CA4: variants seen among roughly 807,000 people sequenced by gnomAD.
CA4 encodes CA-IV.
Under a neutral mutation model 34.5 loss-of-function variants are expected in CA4, and 24 were observed. The observed-to-expected ratio is 0.70, with a 90% CI of 0.50 to 0.98. The LOEUF (loss-of-function observed/expected upper bound fraction) is 0.98, where lower values mean the gene tolerates loss of function less well. CA4 is among the 50% of genes least tolerant of loss of function. The probability of loss-of-function intolerance (pLI) is 0.00; values close to 1 mark genes in which losing one functional copy is unlikely to be tolerated. For synonymous variants in CA4, 178 were observed against 170.6 expected (o/e 1.04, Z -0.34); for missense variants, 394 against 396.7 (o/e 0.99, Z 0.06).
chr17:60,176,500 G>C, the CA4 span, among the ~76,000 whole-genome samples: 1 of 151,246 alleles, frequency 6.6e-6, no homozygotes, highest in East Asian at 2.0e-4. Flanking sequence ...AGAAACCTAG[G>C]GTCATTTCAA....
At position 60,158,117 on chromosome 17, in the gene CA4, C is replaced by T; in HGVS notation, c.570C>T (p.Ile190=). 6.2e-7 allele frequency: 1 copy of T among 1,614,052 alleles called. No individual in the cohort carries two copies. Among genetic ancestry groups the T allele is most frequent in the South Asian group, 1.1e-5 (1 of 91,084 alleles). The change falls in exon 6 of 8, where the codon ATC becomes ATT. Residue 190 remains isoleucine, a synonymous_variant. Coordinates refer to ENST00000300900, the MANE Select transcript of CA4 (RefSeq NM_000717.5). ...FQPLVEALSN[I]PKPEMSTTMA... ...CACTGGTGGAGGCACTGTCTAATAT[C>T]CCCAAACCTGGTGAGTCAGGATGGG...
chr17:60,151,290 G>T (rs2083587864), intron 1 of CA4, among the ~76,000 whole-genome samples: 1 of 152,182 alleles, frequency 6.6e-6, no homozygotes, highest in Admixed American at 6.5e-5. Flanking sequence ...AGGGGTGAAG[G>T]TGTCCTCTGC....
downstream of CA4, among the ~76,000 whole-genome samples, chr17:60,175,823 T>C (rs2083961028): frequency 6.6e-6 from 1 of 151,084 alleles, no homozygotes; most frequent in African/African-American, 2.4e-5. Flanking sequence ...TTATACATTT[T>C]TTTTTTTTTT....
chr17:60,154,189 C>T (rs2145259998), intron 1 of CA4, among the ~76,000 whole-genome samples: 1 of 148,452 alleles, frequency 6.7e-6, no homozygotes, highest in East Asian at 2.0e-4. Flanking sequence ...TTTCTCTCCT[C>T]TCTCGGCCCC....
chr17:60,171,257 G>A (rs1187901353), downstream of CA4, among the ~76,000 whole-genome samples: 2 of 152,236 alleles, frequency 1.3e-5, no homozygotes, highest in African/African-American at 4.8e-5. Context: ...CCCTCCCCAA[G>A]TGAGAGGATG....
At position 60,156,697 on chromosome 17, in the gene CA4, C is replaced by T. The variant is rs1017331612; in HGVS notation, c.250C>T (p.Gln84Ter). ...CGATAAGAAGCAAACGTGGACTGTCCAAAATAACGGGCACTCAGGTGGGCT... is the reference window on the plus strand; with the variant it reads ...CGATAAGAAGCAAACGTGGACTGTCTAAAATAACGGGCACTCAGGTGGGCT... The part of the protein sequence containing the change: ...GYDKKQTWTV[Q>*]NNGHSVMMLL... Residue 84 changes from glutamine to a stop codon, truncating the protein, a stop_gained, in exon 3 of 8, where the codon CAA becomes TAA. Transcript: ENST00000300900. LOFTEE classifies it high-confidence loss of function. The T allele has an allele frequency of 7.4e-6, 12 of 1,614,004 alleles. No homozygotes were observed. The highest frequency in any genetic ancestry group is 1.0e-5 in the Non-Finnish European group (12 of 1,179,984).
downstream of CA4, among the ~76,000 whole-genome samples, chr17:60,164,292 CTT>C (rs1037747426): frequency 3.2e-4 from 48 of 148,866 alleles, no homozygotes; most frequent in African/African-American, 1.2e-3. Context: ...TCCTTTCTTT[CTT>C]TCTTTTTCTT....
At chr17:60,155,442 A>G (rs777500204) in intron 2 of CA4, 75 bp downstream of exon 2, 10 of 1,217,662 alleles carry the variant, frequency 8.2e-6, no homozygotes, top group Non-Finnish European at 1.2e-5. Context: ...AGACCCCGGA[A>G]GAGTGGGAAG....
downstream of CA4, among the ~76,000 whole-genome samples, chr17:60,161,855 C>T (rs1191797864): frequency 6.6e-6 from 1 of 152,090 alleles, no homozygotes; most frequent in Non-Finnish European, 1.5e-5. Context: ...ACACAGACTG[C>T]AGGGGATCTA....
intron 5 of CA4, among the ~76,000 whole-genome samples, chr17:60,169,262 A>AAAAAAAAAAAAAAAAAAAAGCAGC (rs1555574044): frequency 6.7e-6 from 1 of 149,658 alleles, no homozygotes; most frequent in African/African-American, 2.5e-5. Context: ...AAAAAAAAAA[A>AAAAAAAAAAAAAAAAAAAAGCAGC]AGCAGCAGCA....
rs765403029 is a variant in CA4, at chr17:60,156,569, A to G, written c.122A>G (p.Lys41Arg). Residue 41 changes from lysine to arginine, a missense_variant, in exon 3 of 8, where the codon AAG becomes AGG. Transcript: ENST00000300900. The part of the protein sequence containing the change: ...SSNYPCLVPV[K>R]WGGNCQKDRQ... ...TTCTCTCCCTGCTCAGTGCCAGTCA[A>G]GTGGGGTGGAAACTGCCAGAAGGAC... 2.5e-6 allele frequency: 4 copies of G among 1,614,198 alleles called. No individual in the cohort carries two copies. Among genetic ancestry groups the G allele is most frequent in the Non-Finnish European group, 2.5e-6 (3 of 1,180,012 alleles).
chr17:60,152,132 G>C (rs946915739), intron 1 of CA4, among the ~76,000 whole-genome samples: 1 of 152,110 alleles, frequency 6.6e-6, no homozygotes, highest in East Asian at 1.9e-4. Context: ...CTAACCTCTG[G>C]TCAGGGTGGA....
chr17:60,167,308 T>G (rs1292487468), intron 5 of CA4, among the ~76,000 whole-genome samples: 1 of 152,116 alleles, frequency 6.6e-6, no homozygotes, highest in Admixed American at 6.6e-5. Flanking sequence ...CCTGGAGCGC[T>G]CTCCCCCACC....
chr17:60,169,310 G>A (rs1238908398), intron 5 of CA4, among the ~76,000 whole-genome samples: 1 of 151,822 alleles, frequency 6.6e-6, no homozygotes, highest in Non-Finnish European at 1.5e-5. Flanking sequence ...CAGATTCATG[G>A]AGATACTACT....
At chr17:60,176,145 G>A in the CA4 span, among the ~76,000 whole-genome samples, 2 of 151,966 alleles carry the variant, frequency 1.3e-5, no homozygotes, top group African/African-American at 2.4e-5. Context: ...GTGTATTCTC[G>A]TTTTTGGAAA....
downstream of CA4, among the ~76,000 whole-genome samples, chr17:60,174,845 A>G (rs1320952489): frequency 6.6e-6 from 1 of 152,168 alleles, no homozygotes; most frequent in Non-Finnish European, 1.5e-5. Context: ...CAAATCATCT[A>G]CTTGCTCCAA....
In CA4 at chr17:60,158,075, G is replaced by T; in HGVS notation, c.528G>T (p.Val176=). ...TCCCTTTCCAGGCTGGAACCCAGGT[G>T]AACGAGGGCTTCCAGCCACTGGTGG... is the stretch of plus-strand genomic sequence containing the variant. ...LAFLVEAGTQ[V]NEGFQPLVEA... is the part of the protein sequence containing the mutation. Residue 176 remains valine, a synonymous_variant, in exon 6 of 8, where the codon GTG becomes GTT. Coordinates refer to ENST00000300900, the MANE Select transcript of CA4 (RefSeq NM_000717.5). 1 of 1,613,932 alleles carries T rather than the reference G, an allele frequency of 6.2e-7. No homozygotes were observed. The highest frequency in any genetic ancestry group is 1.1e-5 in the South Asian group (1 of 91,076).
intron 2 of CA4, 22 bp downstream of exon 2, chr17:60,155,389 G>A: frequency 6.3e-7 from 1 of 1,593,830 alleles, no homozygotes; most frequent in Admixed American, 1.7e-5. Context: ...CAGTCCAGGG[G>A]ACTGCTCTTT....
In CA4 at chr17:60,158,358, G is replaced by A. The variant is rs769858478; in HGVS notation, c.656G>A (p.Arg219His). 1.2e-5 allele frequency: 19 copies of A among 1,614,020 alleles called. No homozygotes were observed. Among genetic ancestry groups the A allele is most frequent in the Middle Eastern group, 1.6e-4 (1 of 6,084 alleles). Residue 219 changes from arginine (R) to histidine (H), a missense_variant, in exon 7 of 8, where the codon CGC becomes CAC. Physicochemically the swap from Arg to His is conservative, Grantham distance 29. Transcript: ENST00000300900. ...PKEEKLRHYFRYLGSLTTPTC... is the reference protein window; with the variant it reads ...PKEEKLRHYFHYLGSLTTPTC... ...GAGGAGAAACTGAGGCACTACTTCC[G>A]CTACCTGGGCTCACTCACCACACCG...
Sources: gnomAD v4.1 joint callset for allele counts (sites outside exome capture counted in the v4.1 genomes callset) on GRCh38, gnomAD v4.1.1 for gene constraint, MANE v1.5 for transcripts, NCBI Gene and HGNC (gene_info 2026-07-23, HGNC 2026-07-21) for gene names.